The following PDE1C variants were observed in gnomAD, a reference collection of about 807,000 sequenced individuals.
PDE1C encodes phosphodiesterase 1C.
In PDE1C, 62 loss-of-function variants were observed where a neutral mutation model predicts 93.1. The ratio of observed to expected loss-of-function variants is 0.67; its 90% confidence interval spans 0.54 to 0.82. The LOEUF is 0.82. Among genes scored for constraint, PDE1C ranks in the 40% least tolerant of loss-of-function variants. The pLI is 0.00. For synonymous variants in PDE1C, 325 were observed against 310.1 expected (o/e 1.05, Z -0.50); for missense variants, 742 against 884.6 (o/e 0.84, Z 2.04).
Position 32,425,895 on chromosome 7 carries a change from C to T in PDE1C, c.310+1927G>A, listed in dbSNP as rs141885105. ...GGTTGAGGCTTCAGTAAGCTGTGCT[C>T]GCACCACTGCAGACAGTGCTCTGGA... On this transcript the variant is annotated intron_variant, in intron 1 of 1. Coordinates refer to the PDE1C transcript ENST00000672256. Among the ~76,000 whole-genome samples, 212 of 151,918 alleles carry T rather than the reference C, an allele frequency of 1.4e-3. 1 individual carries two copies. Among genetic ancestry groups the T allele is most frequent in the African/African-American group, 4.7e-3 (194 of 41,416 alleles).
chr7:31,986,127 G>A lies in PDE1C; in HGVS notation c.128+65427C>T, dbSNP rs78042893. On this transcript the variant is annotated intron_variant, in intron 2 of 17. Transcript: ENST00000396191. ...AACAACAGAAATTTATTCTTGCACA[G>A]TTCTGGGAACTAGACGTCCAAAATC... Among the ~76,000 whole-genome samples the A allele has an allele frequency of 5.9e-3, 893 of 152,140 alleles. 4 individuals are homozygous for A. The highest frequency in any genetic ancestry group is 0.021 in the African/African-American group (869 of 41,512).
Position 32,274,387 on chromosome 7 carries a change from TC to T in PDE1C, c.85+24263del, listed in dbSNP as rs79304796. On this transcript the variant is annotated intron_variant, in intron 1 of 18. Transcript: ENST00000396193. ...CATGTCTGGCCTTTTTTTTTTTTTT[TC>T]TTAAGAAATAGGTTCTCCATATGTT... Among the ~76,000 whole-genome samples, 322 of 143,198 alleles carry T rather than the reference TC, an allele frequency of 2.2e-3. 23 individuals are homozygous for T. Among genetic ancestry groups the T allele is most frequent in the Middle Eastern group, 7.3e-3 (2 of 274 alleles). 93.9% of individuals were successfully genotyped at this position (143,198 alleles called of 152,430 possible).
chr7:31,760,759 TACACACAC>T (rs10573498), intron 17 of PDE1C, among the ~76,000 whole-genome samples: 374 of 148,670 alleles, frequency 2.5e-3, no homozygotes, highest in African/African-American at 8.5e-3. Flanking sequence ...CTGCAATGTG[TACACACAC>T]ACACACACAC....
intron 2 of PDE1C, among the ~76,000 whole-genome samples, chr7:31,973,829 A>G (rs1811287303): frequency 4.6e-5 from 7 of 152,196 alleles, no homozygotes; most frequent in Admixed American, 4.6e-4. Flanking sequence ...CTAGTATAGT[A>G]GTATGGAATC....
chr7:31,641,200 C>G, the PDE1C span, among the ~76,000 whole-genome samples: 1 of 152,176 alleles, frequency 6.6e-6, no homozygotes, highest in Non-Finnish European at 1.5e-5. Context: ...GGGATCATTT[C>G]CCTCCCTTGA....
chr7:32,205,834 C>G (rs554201429), intron 2 of PDE1C, among the ~76,000 whole-genome samples: 19 of 152,252 alleles, frequency 1.2e-4, no homozygotes, highest in African/African-American at 3.6e-4. Context: ...CCAAGGTCTG[C>G]AGCTTCACCC....
At chr7:31,626,675 G>T in the PDE1C span, among the ~76,000 whole-genome samples, 1 of 152,126 alleles carries the variant, frequency 6.6e-6, no homozygotes, top group Non-Finnish European at 1.5e-5. Flanking sequence ...AGTGCTTCTG[G>T]ATCCCTAAAG....
chr7:32,214,213 AC>A (rs1330753867), intron 1 of PDE1C, among the ~76,000 whole-genome samples: 6 of 148,272 alleles, frequency 4.0e-5, no homozygotes, highest in Non-Finnish European at 9.0e-5. Flanking sequence ...TATGTAAAAA[AC>A]ATGTATATAT....
chr7:31,790,020 C>A, intron 16 of PDE1C: 1 of 1,325,648 alleles, frequency 7.5e-7, no homozygotes, highest in Non-Finnish European at 9.6e-7. Context: ...AGGGGAATAT[C>A]CCCCAGAGTT....
intron 2 of PDE1C, among the ~76,000 whole-genome samples, chr7:32,176,344 C>A (rs1263497730): frequency 6.6e-6 from 1 of 151,318 alleles, no homozygotes; most frequent in Non-Finnish European, 1.5e-5. Flanking sequence ...GAATAAGAAA[C>A]AAGGGGAAAT....
intron 3 of PDE1C, among the ~76,000 whole-genome samples, chr7:32,082,377 A>G (rs996429460): frequency 6.6e-6 from 1 of 152,250 alleles, no homozygotes; most frequent in Non-Finnish European, 1.5e-5. Context: ...AACTGGGTGG[A>G]GCCCACCACA....
intron 2 of PDE1C, among the ~76,000 whole-genome samples, chr7:32,044,364 A>T (rs1792237467): frequency 6.6e-6 from 1 of 152,194 alleles, no homozygotes; most frequent in Admixed American, 6.5e-5. Flanking sequence ...GGTGAATGGA[A>T]CAAGGTAACA....
chr7:32,388,113 T>G (rs908311086), intron 1 of PDE1C, among the ~76,000 whole-genome samples: 1 of 152,230 alleles, frequency 6.6e-6, no homozygotes, highest in Non-Finnish European at 1.5e-5. Flanking sequence ...ATAGCCAGAC[T>G]ATTTTTCTGA....
intron 2 of PDE1C, among the ~76,000 whole-genome samples, chr7:32,202,042 G>A (rs952465073): frequency 2.6e-5 from 4 of 152,268 alleles, no homozygotes; most frequent in Middle Eastern, 3.4e-3. Flanking sequence ...AGGTACTCAC[G>A]GAAGCATCAG....
chr7:32,412,425 C>G (rs1347125211), intron 1 of PDE1C, among the ~76,000 whole-genome samples: 1 of 144,096 alleles, frequency 6.9e-6, no homozygotes, highest in Admixed American at 7.0e-5. Flanking sequence ...CACTGCACTA[C>G]AGTCTAGGTG....
At chr7:31,743,880 A>G in the PDE1C span, among the ~76,000 whole-genome samples, 3 of 152,224 alleles carry the variant, frequency 2.0e-5, no homozygotes. Context: ...TTTCATTTCC[A>G]TGATTGTCAT....
the PDE1C span, among the ~76,000 whole-genome samples, chr7:31,729,559 C>T: frequency 1.3e-5 from 2 of 152,262 alleles, no homozygotes; most frequent in African/African-American, 4.8e-5. Context: ...ATCTAAAGTA[C>T]CTAGTAGGTG....
intron 1 of PDE1C, among the ~76,000 whole-genome samples, chr7:32,252,175 A>G (rs1302738783): frequency 6.6e-6 from 1 of 152,188 alleles, no homozygotes; most frequent in Admixed American, 6.5e-5. Context: ...CCTCCCTAAT[A>G]TAAGTATATA....
At chr7:31,826,880 C>T (rs1789742377) in intron 12 of PDE1C, among the ~76,000 whole-genome samples, 1 of 152,318 alleles carries the variant, frequency 6.6e-6, no homozygotes, top group South Asian at 2.1e-4. Flanking sequence ...CAGGCCATAT[C>T]ATCGCTATCA....
Sources: allele counts gnomAD v4.1 joint callset (sites outside exome capture counted in the v4.1 genomes callset), GRCh38; gene constraint gnomAD v4.1.1; transcripts MANE v1.5; gene names NCBI Gene and HGNC (gene_info 2026-07-23, HGNC 2026-07-21).